PPOX: variants seen among roughly 807,000 people sequenced by gnomAD.
The protein encoded by PPOX is protoporphyrinogen oxidase, also known as variegate porphyria.
In PPOX, 23 loss-of-function variants were observed where a neutral mutation model predicts 54.1. The observed-to-expected ratio is 0.43, with a 90% CI of 0.31 to 0.60. The LOEUF (loss-of-function observed/expected upper bound fraction) is 0.60. Ranked by LOEUF, PPOX falls within the 20% of genes least tolerant of loss-of-function variation. The pLI is 0.13. For missense variants in PPOX, 512 were observed against 601.1 expected (o/e 0.85, Z 1.55); for synonymous variants, 224 against 236.1 (o/e 0.95, Z 0.47).
chr1:161,171,633 G>A, downstream of PPOX: 1 of 766,370 alleles, frequency 1.3e-6, no homozygotes, highest in Non-Finnish European at 2.1e-6. Context: ...CCTAGAGAGA[G>A]GGACCCCTCA....
At chr1:161,168,385 C>G in intron 5 of PPOX, 47 bp from the exon 6 acceptor site, 4 of 1,613,410 alleles carry the variant, frequency 2.5e-6, no homozygotes, top group Non-Finnish European at 3.4e-6. Context: ...GGAAATCAGT[C>G]AGTGTAGATT....
chr1:161,176,747 T>G, intron 4 of PPOX: 1 of 896,166 alleles, frequency 1.1e-6, no homozygotes, highest in Non-Finnish European at 1.7e-6. Context: ...CCTGGAATGA[T>G]AAGTGTCAGG....
At chr1:161,167,338 G>GTTTC (rs1659348940) in intron 3 of PPOX, 33 bp from the exon 4 acceptor site, 1 of 1,613,910 alleles carries the variant, frequency 6.2e-7, no homozygotes, top group Admixed American at 1.7e-5. Context: ...TCTTCCCTTA[G>GTTTC]TTTCTCCTCT....
rs2101867062 is a variant in PPOX, at chr1:161,168,329, AACC to A, written c.472-102_472-100del. The A allele has an allele frequency of 3.1e-6, 5 of 1,587,678 alleles. No homozygotes were observed. The South Asian group carries it at 5.6e-5, about 18-fold the overall frequency. The stretch of plus-strand genomic sequence containing the variant: ...ATCCGTCACAGTGGGAATGTCCCCC[AACC>A]CAAACCCTATCCCACCCTCATTCCC... On this transcript the variant is annotated intron_variant, in intron 5 of 12. Coordinates refer to ENST00000367999, the MANE Select transcript of PPOX (RefSeq NM_001122764.3).
At chr1:161,169,591 C>T in intron 7 of PPOX, 69 bp from the exon 8 acceptor site, 3 of 1,495,924 alleles carry the variant, frequency 2.0e-6, no homozygotes, top group South Asian at 1.1e-5. Flanking sequence ...GAGAGTGAGG[C>T]ACCAGAAGTC....
At chr1:161,169,303 CT>C in intron 7 of PPOX, 120 bp downstream of exon 7, 1 of 1,224,384 alleles carries the variant, frequency 8.2e-7, no homozygotes, top group Non-Finnish European at 1.2e-6. Context: ...TTAGAAGCTA[CT>C]TAGACATGGG....
chr1:161,175,727 A>G (rs972027134), downstream of PPOX: 1 of 1,558,558 alleles, frequency 6.4e-7, no homozygotes, highest in African/African-American at 1.4e-5. Context: ...CACTTCTGCC[A>G]CTCCATGCCT....
chr1:161,172,031 T>G (rs1661631276), downstream of PPOX: 1 of 1,614,170 alleles, frequency 6.2e-7, no homozygotes, highest in Non-Finnish European at 8.5e-7. Context: ...AACTGGTATG[T>G]CAGTGAGTTC....
chr1:161,168,306 C>A, intron 5 of PPOX, 126 bp from the exon 6 acceptor site: 1 of 1,554,506 alleles, frequency 6.4e-7, no homozygotes, highest in Non-Finnish European at 8.9e-7. Context: ...TCATTTCCAT[C>A]CGTCACAGTG....
At chr1:161,167,931 C>G (rs897639475) in intron 4 of PPOX, 64 bp from the exon 5 acceptor site, 99 of 1,611,970 alleles carry the variant, frequency 6.1e-5, no homozygotes, top group Middle Eastern at 1.9e-4. Flanking sequence ...GGAAATGACC[C>G]CAGCGCCTGG....
At chr1:161,177,331 C>T (rs933434628), downstream of PPOX, 42 of 503,470 alleles carry the variant, frequency 8.3e-5, no homozygotes, top group East Asian at 7.9e-4. Context: ...TGCTCAGGCT[C>T]GTCTCCAGGC....
downstream of PPOX, chr1:161,174,201 A>G: frequency 1.4e-6 from 1 of 737,960 alleles, no homozygotes; most frequent in South Asian, 1.9e-5. Context: ...AGGTCAGGAG[A>G]TTGAGACCAC....
chr1:161,171,837 T>C (rs1392092828), downstream of PPOX: 18 of 1,613,948 alleles, frequency 1.1e-5, no homozygotes, highest in African/African-American at 2.7e-5. Flanking sequence ...CTCGGAGGGC[T>C]GTGTGGTTGG....
intron 3 of PPOX, 29 bp from the exon 4 acceptor site, chr1:161,167,335 TTAGTTTC>T: frequency 6.2e-7 from 1 of 1,614,050 alleles, no homozygotes; most frequent in Non-Finnish European, 8.5e-7. Flanking sequence ...AGATCTTCCC[TTAGTTTC>T]TCCTCTTCTG....
chr1:161,167,337 A>G (rs758164076), intron 3 of PPOX, 34 bp from the exon 4 acceptor site: 2 of 1,613,842 alleles, frequency 1.2e-6, no homozygotes, highest in Non-Finnish European at 1.7e-6. Context: ...ATCTTCCCTT[A>G]GTTTCTCCTC....
At chr1:161,175,245 G>C (rs376097944), downstream of PPOX, 3 of 1,602,026 alleles carry the variant, frequency 1.9e-6, no homozygotes, top group Non-Finnish European at 1.7e-6. Context: ...GGAAGGAATG[G>C]CAAGTAGAGG....
Position 161,176,780 on chromosome 1 carries a change from C to T in PPOX, c.373-69C>T, listed in dbSNP as rs1663699101. 1.1e-5 allele frequency: 15 copies of T among 1,375,302 alleles called. No homozygotes were observed. In the South Asian group the frequency reaches 1.5e-4, roughly 14 times the overall value. The allele number at this position is 1,375,302 out of a possible 1,614,324, so 85.2% of individuals were successfully genotyped here. On this transcript the variant is annotated intron_variant, in intron 4 of 4. Coordinates refer to the PPOX transcript ENST00000497522. ...AGGTTCATACTTAACCACCCCCGTACCCCCACCCCAACAGGACAGATTGGG... is the reference window on the plus strand; with the variant it reads ...AGGTTCATACTTAACCACCCCCGTATCCCCACCCCAACAGGACAGATTGGG...
chr1:161,177,328 G>A, downstream of PPOX: 1 of 522,050 alleles, frequency 1.9e-6, no homozygotes, highest in Non-Finnish European at 3.5e-6. Context: ...CCCTGCTCAG[G>A]CTCGTCTCCA....
chr1:161,174,595 G>A (rs114875710), downstream of PPOX, among the ~76,000 whole-genome samples: 3 of 152,068 alleles, frequency 2.0e-5, no homozygotes, highest in Non-Finnish European at 4.4e-5. Context: ...CCTGACAATT[G>A]GCAACCAACA....
Sources: allele counts gnomAD v4.1 joint callset (sites outside exome capture counted in the v4.1 genomes callset), GRCh38; gene constraint gnomAD v4.1.1; transcripts MANE v1.5; gene names NCBI Gene and HGNC (gene_info 2026-07-23, HGNC 2026-07-21).